PCDHGB3: variants seen among roughly 807,000 people sequenced by gnomAD.
PCDHGB3 encodes protocadherin gamma-B3.
PCDHGB3 carries 40 observed loss-of-function variants against 59.2 expected under a neutral mutation model. The ratio of observed to expected loss-of-function variants is 0.68; its 90% CI spans 0.52 to 0.88. PCDHGB3 has a LOEUF of 0.88. Among genes scored for constraint, PCDHGB3 ranks in the 40% least tolerant of loss-of-function variants. The pLI is 0.00. For synonymous variants in PCDHGB3, 581 were observed against 503.6 expected (o/e 1.15, Z -2.06); for missense variants, 1,309 against 1,187.9 (o/e 1.10, Z -1.50).
intron 1 of PCDHGB3, chr5:141,422,655 C>G (rs188587553): frequency 1.2e-6 from 2 of 1,610,122 alleles, no homozygotes; most frequent in South Asian, 2.2e-5. Context: ...TCTCAGTGAC[C>G]GCCCTCGACC....
intron 3 of PCDHGB3, 67 bp from the exon 4 acceptor site, chr5:141,510,880 G>A (rs373993657): frequency 1.9e-6 from 3 of 1,611,784 alleles, no homozygotes; most frequent in Admixed American, 3.3e-5. Context: ...AACTGCTGGG[G>A]ATATAAGACA....
At position 141,490,003 on chromosome 5, in the gene PCDHGB3, G is replaced by A. The variant is rs2099694760; in HGVS notation, c.2416-4804G>A. On this transcript the variant is annotated intron_variant, in intron 1 of 3. Transcript: ENST00000576222. This position sits in a 1 kb window ranked among gnomAD's most constrained non-coding sequence, Gnocchi z 5.4. ...TCTACGTGTGGGAATCCCAGAGAAT[G>A]CACCCATTGGTACTCTGCTGCTCCG... 6.2e-7 allele frequency: 1 copy of A among 1,614,204 alleles called. No homozygotes were observed. Among genetic ancestry groups the A allele is most frequent in the Non-Finnish European group, 8.5e-7 (1 of 1,180,008 alleles).
rs1561561698 is a variant in PCDHGB3 at position 141,374,186 on chromosome 5, A to G, written c.2415+1377A>G. 5 of 1,613,668 alleles carry G rather than the reference A, an allele frequency of 3.1e-6. No individual in the cohort carries two copies. The highest frequency in any genetic ancestry group is 3.3e-5 in the Admixed American group (2 of 60,008). On this transcript the variant is annotated intron_variant, in intron 1 of 3. Transcript: ENST00000576222. ...CGCGGCAGCGCAGATCCGCTACTCT[A>G]TTCCCGAGGAGCTGGAGAAAGGCTC... is the stretch of plus-strand genomic sequence containing the variant.
intron 1 of PCDHGB3, chr5:141,384,016 G>A: frequency 6.2e-7 from 1 of 1,613,744 alleles, no homozygotes; most frequent in Non-Finnish European, 8.5e-7. Flanking sequence ...CTACCTACAA[G>A]ACAGAGATTC....
intron 1 of PCDHGB3, chr5:141,377,893 TC>T (rs1774447878): frequency 6.6e-6 from 1 of 152,178 alleles, no homozygotes; most frequent in Admixed American, 6.5e-5. Flanking sequence ...AGGATCCCCC[TC>T]TGTTGCCCAG....
At position 141,406,382 on chromosome 5, in the gene PCDHGB3, G is replaced by A. The variant is rs189693155; in HGVS notation, c.2415+33573G>A. Reference sequence around the variant, plus strand: ...TTTGTAAGGGTAAACTGATAAAAAGGTAAATGTATTCTTCTTAGAGAAACA... The same window carrying A: ...TTTGTAAGGGTAAACTGATAAAAAGATAAATGTATTCTTCTTAGAGAAACA... On this transcript the variant is annotated intron_variant, in intron 1 of 3. Transcript: ENST00000576222. Among the ~76,000 whole-genome samples, 63 of 152,232 alleles carry A rather than the reference G, an allele frequency of 4.1e-4. 1 individual carries two copies. Among genetic ancestry groups the A allele is most frequent in the African/African-American group, 1.4e-3 (60 of 41,554 alleles).
Position 141,486,587 on chromosome 5 carries a change from G to C in PCDHGB3, c.2416-8220G>C. 6.2e-7 allele frequency: 1 copy of C among 1,613,596 alleles called. No individual in the cohort carries two copies. The highest frequency in any genetic ancestry group is 8.5e-7 in the Non-Finnish European group (1 of 1,180,006). On this transcript the variant is annotated intron_variant, in intron 1 of 3. Transcript: ENST00000576222. The surrounding 1 kb of genome is among the most constrained non-coding windows in gnomAD (Gnocchi z 5.0). ...TGTTCCTGAGAACAATCGCCCAGGG[G>C]ACCTGCTTTGCTCCCTTGCAGCCTC...
intron 1 of PCDHGB3, chr5:141,400,515 T>A: frequency 6.2e-7 from 1 of 1,613,988 alleles, no homozygotes. Flanking sequence ...CGACTTCCCA[T>A]CCTGAGTTGG....
At chr5:141,387,557 G>A in intron 1 of PCDHGB3, 1 of 416,144 alleles carries the variant, frequency 2.4e-6, no homozygotes. Flanking sequence ...TTTCAGTTAG[G>A]CACACAATTA....
intron 1 of PCDHGB3, chr5:141,427,811 C>T (rs1335555425): frequency 6.6e-7 from 1 of 1,523,180 alleles, no homozygotes; most frequent in Admixed American, 1.7e-5. Flanking sequence ...GCGCACAGAG[C>T]GGGGTGGTGG....
At chr5:141,425,719 A>G (rs2096890303) in intron 1 of PCDHGB3, among the ~76,000 whole-genome samples, 1 of 152,200 alleles carries the variant, frequency 6.6e-6, no homozygotes. Context: ...TTCCCATACC[A>G]CTTGATGGGG....
Position 141,485,730 on chromosome 5 carries a change from G to A in PCDHGB3, c.2416-9077G>A. On this transcript the variant is annotated intron_variant, in intron 1 of 3. Coordinates refer to ENST00000576222, the MANE Select transcript of PCDHGB3 (RefSeq NM_018924.5). This position sits in a 1 kb window ranked among gnomAD's most constrained non-coding sequence, Gnocchi z 5.7. ...TTTGCACTGGATGTGAAGAAGCGCA[G>A]CGACGGCAGCCTGGTCCCAGAGCTG... is the stretch of plus-strand genomic sequence containing the variant. 1 of 1,614,200 alleles carries A rather than the reference G, an allele frequency of 6.2e-7. No individual in the cohort carries two copies. Among genetic ancestry groups the A allele is most frequent in the Non-Finnish European group, 8.5e-7 (1 of 1,180,024 alleles).
At position 141,486,616 on chromosome 5, in the gene PCDHGB3, C is replaced by T. The variant is rs759167270; in HGVS notation, c.2416-8191C>T. On this transcript the variant is annotated intron_variant, in intron 1 of 3. Coordinates refer to ENST00000576222, the MANE Select transcript of PCDHGB3 (RefSeq NM_018924.5). The surrounding 1 kb of genome is among the most constrained non-coding windows in gnomAD (Gnocchi z 5.0). ...TGCTTTGCTCCCTTGCAGCCTCTGA[C>T]CCAGACTCTGGCTTGAATGCGCTTA... is the stretch of plus-strand genomic sequence containing the variant. 2 of 1,613,500 alleles carry T rather than the reference C, an allele frequency of 1.2e-6. No individual in the cohort carries two copies. The highest frequency in any genetic ancestry group is 3.3e-5 in the Admixed American group (2 of 60,004).
chr5:141,436,856 G>A (rs942357563), intron 1 of PCDHGB3, among the ~76,000 whole-genome samples: 2 of 152,246 alleles, frequency 1.3e-5, no homozygotes, highest in Admixed American at 1.3e-4. Context: ...TGATTGAGAA[G>A]CCACAGTTTT....
chr5:141,422,575 C>G, intron 1 of PCDHGB3: 1 of 1,613,976 alleles, frequency 6.2e-7, no homozygotes, highest in Non-Finnish European at 8.5e-7. Flanking sequence ...CAACGATAAC[C>G]CTCCCGTTTT....
At chr5:141,484,950 T>G in intron 1 of PCDHGB3, 1 of 561,950 alleles carries the variant, frequency 1.8e-6, no homozygotes, top group Non-Finnish European at 3.2e-6. Context: ...GCTCAGCCTA[T>G]TGGCTGAGCC....
Position 141,487,367 on chromosome 5 carries a change from G to A in PCDHGB3, c.2416-7440G>A. 1 of 1,614,204 alleles carries A rather than the reference G, an allele frequency of 6.2e-7. No individual in the cohort carries two copies. The highest frequency in any genetic ancestry group is 8.5e-7 in the Non-Finnish European group (1 of 1,180,030). ...CACATGCTTTCCTGCTGGCACCTGT[G>A]CCTGTCTCACCAGATCTCGAAGGAG... On this transcript the variant is annotated intron_variant, in intron 1 of 3. Coordinates refer to ENST00000576222, the MANE Select transcript of PCDHGB3 (RefSeq NM_018924.5). This position sits in a 1 kb window ranked among gnomAD's most constrained non-coding sequence, Gnocchi z 5.0.
chr5:141,385,991 T>C (rs1044328038), intron 1 of PCDHGB3: 1 of 152,222 alleles, frequency 6.6e-6, no homozygotes, highest in East Asian at 1.9e-4. Context: ...ATATGTCAAA[T>C]AAAATGTCAT....
intron 1 of PCDHGB3, chr5:141,402,959 G>C: frequency 1.2e-5 from 19 of 1,604,470 alleles, no homozygotes; most frequent in Non-Finnish European, 1.5e-5. Context: ...AGCAATGGCA[G>C]CTCCAACCAA....
Sources: gnomAD v4.1 joint callset for allele counts (sites outside exome capture counted in the v4.1 genomes callset) on GRCh38, gnomAD v4.1.1 for gene constraint, Gnocchi (gnomAD v3.1) non-coding constraint, MANE v1.5 for transcripts, NCBI Gene and HGNC (gene_info 2026-07-23, HGNC 2026-07-21) for gene names.